The following FSD1L variants were observed in gnomAD, a reference collection of about 807,000 sequenced individuals.
FSD1L encodes FSD1-like protein.
Under a neutral mutation model 71.6 loss-of-function variants are expected in FSD1L, and 45 were observed. The observed-to-expected ratio is 0.63, with a 90% CI of 0.49 to 0.81. The LOEUF (loss-of-function observed/expected upper bound fraction) is 0.81. Among genes scored for constraint, FSD1L ranks in the 30% least tolerant of loss-of-function variants. FSD1L has a pLI of 0.00. For synonymous variants in FSD1L, 197 were observed against 207.2 expected, an observed-to-expected ratio of 0.95 and a Z score of 0.42; for missense variants, 561 against 618.1, an observed-to-expected ratio of 0.91 and a Z score of 0.98.
chr9:105,547,570 CCATT>C lies in FSD1L; in HGVS notation c.*1094_*1097del, dbSNP rs927602926. The stretch of plus-strand genomic sequence containing the variant: ...ATTGGCACATGACTTTTTCAAGCAG[CCATT>C]CATTCAGAGGTTTGTTTTCTCTCAG... On this transcript the variant is annotated 3_prime_UTR_variant, in exon 14 of 14. Coordinates refer to ENST00000481272, the MANE Select transcript of FSD1L (RefSeq NM_001145313.3). The C allele has an allele frequency of 3.9e-5, 6 of 151,996 alleles. No individual in the cohort carries two copies. Among genetic ancestry groups the C allele is most frequent in the Non-Finnish European group, 7.4e-5 (5 of 67,940 alleles). 9.4% of individuals were successfully genotyped at this position (151,996 alleles called of 1,614,324 possible). A position where few individuals can be genotyped will look rare whatever the true frequency, so the allele number is the denominator to read the frequency against.
chr9:105,522,342 A>C, intron 10 of FSD1L: 1 of 1,614,096 alleles, frequency 6.2e-7, no homozygotes. Context: ...GAAACAAAAA[A>C]AGCACAAAGG....
chr9:105,524,983 G>A, intron 10 of FSD1L: 1 of 1,603,950 alleles, frequency 6.2e-7, no homozygotes, highest in Non-Finnish European at 8.5e-7. Flanking sequence ...GATCAGAAGA[G>A]AATATGCCTG....
chr9:105,536,624 G>T lies in FSD1L; in HGVS notation c.1378+1306G>T, dbSNP rs371526827. Among the ~76,000 whole-genome samples, 1,260 of 151,510 alleles carry T rather than the reference G, an allele frequency of 8.3e-3. 19 individuals carry two copies. Among genetic ancestry groups the T allele is most frequent in the African/African-American group, 0.029 (1,203 of 41,294 alleles). The stretch of plus-strand genomic sequence containing the variant: ...TTTTGTTAGGCAGTTTATGGTTTTG[G>T]TTTTTTTTGTTTTGTTTTGTTTTGT... On this transcript the variant is annotated intron_variant, in intron 12 of 13. Transcript: ENST00000481272.
At chr9:105,524,379 A>G in intron 10 of FSD1L, 1 of 1,614,028 alleles carries the variant, frequency 6.2e-7, no homozygotes, top group Non-Finnish European at 8.5e-7. Context: ...TTTACCAAGT[A>G]CAGAGGCTTC....
chr9:105,522,297 C>T (rs1033293724), intron 10 of FSD1L: 3 of 1,613,764 alleles, frequency 1.9e-6, no homozygotes. Flanking sequence ...TAGTTTGGAT[C>T]TCAGTGATTT....
intron 10 of FSD1L, among the ~76,000 whole-genome samples, chr9:105,518,017 T>C (rs1404445573): frequency 1.3e-5 from 2 of 152,180 alleles, no homozygotes; most frequent in Non-Finnish European, 2.9e-5. Context: ...AACCCTAATC[T>C]TTGATAAAAC....
intron 6 of FSD1L, among the ~76,000 whole-genome samples, chr9:105,482,562 T>A (rs1832279166): frequency 6.6e-6 from 1 of 152,210 alleles, no homozygotes; most frequent in South Asian, 2.1e-4. Flanking sequence ...GTGTAGAGAA[T>A]TATCTAATGA....
upstream of FSD1L, among the ~76,000 whole-genome samples, chr9:105,445,413 T>G (rs574023067): frequency 3.3e-5 from 5 of 152,166 alleles, no homozygotes; most frequent in East Asian, 9.6e-4. Context: ...AGTGAGCTCC[T>G]GGGGTGTGGA....
At chr9:105,466,791 A>G (rs534294852) in intron 3 of FSD1L, among the ~76,000 whole-genome samples, 3 of 152,354 alleles carry the variant, frequency 2.0e-5, no homozygotes, top group African/African-American at 7.2e-5. Flanking sequence ...TCATGGCTAT[A>G]AAGCTCTTGA....
intron 7 of FSD1L, 73 bp from the exon 8 acceptor site, chr9:105,506,326 G>A: frequency 9.0e-7 from 1 of 1,105,706 alleles, no homozygotes; most frequent in Non-Finnish European, 1.3e-6. Flanking sequence ...TGATATAAAT[G>A]TGATATCAAT....
At chr9:105,476,828 A>G (rs1196544168) in intron 5 of FSD1L, among the ~76,000 whole-genome samples, 7 of 152,222 alleles carry the variant, frequency 4.6e-5, no homozygotes, top group Admixed American at 3.9e-4. Context: ...CCTTTCAAAG[A>G]AATATCTTCA....
chr9:105,519,506 C>T (rs1197985225), intron 10 of FSD1L, among the ~76,000 whole-genome samples: 1 of 152,140 alleles, frequency 6.6e-6, no homozygotes, highest in Admixed American at 6.5e-5. Context: ...ATATAGAAAT[C>T]AATAAATATA....
intron 7 of FSD1L, among the ~76,000 whole-genome samples, chr9:105,487,054 A>G (rs1832597852): frequency 6.6e-6 from 1 of 152,168 alleles, no homozygotes; most frequent in African/African-American, 2.4e-5. Flanking sequence ...AAGAACTCAA[A>G]AAAAGGAAGC....
At chr9:105,446,626 T>C (rs980497430), upstream of FSD1L, among the ~76,000 whole-genome samples, 1 of 151,932 alleles carries the variant, frequency 6.6e-6, no homozygotes, top group African/African-American at 2.4e-5. Context: ...TCATTGGGCC[T>C]CCCAAAGTGT....
chr9:105,495,168 C>T (rs541720545), intron 7 of FSD1L, among the ~76,000 whole-genome samples: 1 of 152,188 alleles, frequency 6.6e-6, no homozygotes, highest in Admixed American at 6.5e-5. Context: ...TTGAGCTTCC[C>T]GGCTGCTTTG....
intron 13 of FSD1L, among the ~76,000 whole-genome samples, chr9:105,542,356 G>C (rs1836682334): frequency 6.6e-6 from 1 of 152,132 alleles, no homozygotes; most frequent in Non-Finnish European, 1.5e-5. Context: ...AATGACAAAT[G>C]ATGTTTCATG....
chr9:105,505,358 T>A (rs1189061801), intron 7 of FSD1L, among the ~76,000 whole-genome samples: 1 of 152,226 alleles, frequency 6.6e-6, no homozygotes, highest in East Asian at 1.9e-4. Flanking sequence ...CCTCCTGGGT[T>A]CAAGCAATTC....
chr9:105,546,588 TC>T lies in FSD1L; in HGVS notation c.*106del, dbSNP rs1837021085. 2 of 1,200,074 alleles carry T rather than the reference TC, an allele frequency of 1.7e-6. No individual in the cohort carries two copies. Among genetic ancestry groups the T allele is most frequent in the East Asian group, 5.4e-5 (2 of 37,138 alleles). The allele number at this position is 1,200,074 out of a possible 1,614,324, so 74.3% of individuals were successfully genotyped here. The stretch of plus-strand genomic sequence containing the variant: ...GTAGTGAAAATCAGGTTTGCTGTGT[TC>T]TGCTTTGAGGCCTGGAATCTTTTAT... On this transcript the variant is annotated 3_prime_UTR_variant, in exon 14 of 14. Transcript: ENST00000481272.
intron 10 of FSD1L, chr9:105,521,344 A>G: frequency 2.5e-6 from 4 of 1,614,176 alleles, no homozygotes; most frequent in Non-Finnish European, 3.4e-6. Context: ...ACAGAACCCG[A>G]ACAGTCTCAT....
Sources: allele counts gnomAD v4.1 joint callset (sites outside exome capture counted in the v4.1 genomes callset), GRCh38; gene constraint gnomAD v4.1.1; transcripts MANE v1.5; gene names NCBI Gene and HGNC (gene_info 2026-07-23, HGNC 2026-07-21).